Variants in TBC1D2 observed in about 807,000 individuals in gnomAD.
TBC1D2 encodes TBC1 domain family member 2A.
In TBC1D2, 58 loss-of-function variants were observed where a neutral mutation model predicts 91.1. The ratio of observed to expected loss-of-function variants is 0.64; its 90% confidence interval spans 0.52 to 0.79. The LOEUF (loss-of-function observed/expected upper bound fraction) is 0.79, where lower values mean the gene tolerates loss of function less well. TBC1D2 is among the 30% of genes least tolerant of loss of function. The probability of loss-of-function intolerance (pLI) is 0.00; values close to 1 mark genes in which losing one functional copy is unlikely to be tolerated. For synonymous variants in TBC1D2, 482 were observed against 511.5 expected, an observed-to-expected ratio of 0.94 and a Z score of 0.78; for missense variants, 1,080 against 1,208.3, an observed-to-expected ratio of 0.89 and a Z score of 1.57.
intron 2 of TBC1D2, among the ~76,000 whole-genome samples, chr9:98,245,245 A>G (rs1829740703): frequency 6.6e-6 from 1 of 151,776 alleles, no homozygotes; most frequent in Non-Finnish European, 1.5e-5. Flanking sequence ...ATCTCAAAAA[A>G]CAAAACAAAG....
At chr9:98,242,212 T>G (rs973701482) in intron 3 of TBC1D2, among the ~76,000 whole-genome samples, 2 of 151,796 alleles carry the variant, frequency 1.3e-5, no homozygotes, top group African/African-American at 4.8e-5. Flanking sequence ...GAGGCCGAGG[T>G]GGGCAAACCA....
intron 6 of TBC1D2, among the ~76,000 whole-genome samples, chr9:98,217,473 G>A (rs1325842503): frequency 6.6e-6 from 1 of 152,214 alleles, no homozygotes; most frequent in Admixed American, 6.5e-5. Context: ...GCCAGAAAAT[G>A]AGTGGGGCAG....
At chr9:98,245,517 A>G (rs111495952) in intron 2 of TBC1D2, among the ~76,000 whole-genome samples, 10,057 of 152,114 alleles carry the variant, frequency 0.066, 400 homozygotes, top group East Asian at 0.17. Flanking sequence ...CAGTGAGCGG[A>G]GATGGTGCCA....
chr9:98,245,582 T>A (rs573903157), intron 2 of TBC1D2, among the ~76,000 whole-genome samples: 6 of 151,696 alleles, frequency 4.0e-5, no homozygotes, highest in Non-Finnish European at 8.8e-5. Flanking sequence ...AAAAAAAAAA[T>A]TGGGGTTATA....
Position 98,199,478 on chromosome 9 carries a change from T to A in TBC1D2, c.2690A>T (p.Glu897Val). The A allele has an allele frequency of 6.2e-7, 1 of 1,613,988 alleles. No homozygotes were observed. Among genetic ancestry groups the A allele is most frequent in the Non-Finnish European group, 8.5e-7 (1 of 1,180,010 alleles). Residue 897 changes from glutamate (E) to valine (V), a missense_variant, in exon 13 of 13, where the codon GAG (glutamate) becomes GTG (valine). By Grantham distance (121) the Glu-to-Val change is moderately radical. Transcript: ENST00000465784. ...ERLEAELREL[E>V]QLKAEYLERR... Reference sequence around the variant, plus strand: ...CTCCAGGTACTCTGCCTTAAGCTGCTCCAGCTCCCGCAGCTCAGCCTCCAG... The same window carrying A: ...CTCCAGGTACTCTGCCTTAAGCTGCACCAGCTCCCGCAGCTCAGCCTCCAG...
intron 3 of TBC1D2, among the ~76,000 whole-genome samples, chr9:98,240,718 G>C (rs965000037): frequency 1.2e-4 from 18 of 152,144 alleles, no homozygotes; most frequent in Non-Finnish European, 1.8e-4. Context: ...GGAAAGCACA[G>C]AAACCACAAC....
intron 8 of TBC1D2, among the ~76,000 whole-genome samples, chr9:98,210,022 C>T (rs570357029): frequency 4.6e-5 from 7 of 150,660 alleles, no homozygotes; most frequent in African/African-American, 1.7e-4. Flanking sequence ...GACAGGATTC[C>T]AATATATTGC....
At chr9:98,222,219 C>T (rs979916452) in intron 5 of TBC1D2, among the ~76,000 whole-genome samples, 2 of 152,210 alleles carry the variant, frequency 1.3e-5, no homozygotes, top group African/African-American at 4.8e-5. Flanking sequence ...CCTCTCATCC[C>T]TGTGGCAGAC....
At chr9:98,202,329 CT>C (rs776158795) in intron 10 of TBC1D2, among the ~76,000 whole-genome samples, 3 of 152,214 alleles carry the variant, frequency 2.0e-5, no homozygotes, top group African/African-American at 7.2e-5. Flanking sequence ...AGACATGGTT[CT>C]TTCGTGGTTC....
intron 3 of TBC1D2, among the ~76,000 whole-genome samples, chr9:98,241,442 A>G (rs1251306149): frequency 6.6e-6 from 1 of 152,160 alleles, no homozygotes; most frequent in Non-Finnish European, 1.5e-5. Flanking sequence ...AGGGTGTAGG[A>G]CACAAAGGCA....
chr9:98,210,191 G>C (rs1402875021), intron 8 of TBC1D2, among the ~76,000 whole-genome samples: 1 of 152,190 alleles, frequency 6.6e-6, no homozygotes, highest in Non-Finnish European at 1.5e-5. Flanking sequence ...GTCACACGGT[G>C]AGAGGGCCAG....
intron 6 of TBC1D2, among the ~76,000 whole-genome samples, chr9:98,218,579 TAAAA>T (rs897420526): frequency 1.3e-5 from 2 of 151,034 alleles, no homozygotes; most frequent in Non-Finnish European, 3.0e-5. Context: ...AAAATAAAAA[TAAAA>T]AAAAATAAAA....
intron 4 of TBC1D2, among the ~76,000 whole-genome samples, chr9:98,231,279 CTTTTTTTTT>C (rs35195996): frequency 0.068 from 5,243 of 76,920 alleles, 253 homozygotes; most frequent in African/African-American, 0.18. Flanking sequence ...CTCAACTCTG[CTTTTTTTTT>C]TTTTTTTTTT....
chr9:98,205,607 C>T (rs1400744573), intron 9 of TBC1D2, among the ~76,000 whole-genome samples: 1 of 151,646 alleles, frequency 6.6e-6, no homozygotes, highest in Non-Finnish European at 1.5e-5. Flanking sequence ...AGTGCAGTGG[C>T]ATGATCATGG....
chr9:98,223,995 C>G (rs771913551), intron 5 of TBC1D2, among the ~76,000 whole-genome samples: 26 of 152,026 alleles, frequency 1.7e-4, no homozygotes, highest in African/African-American at 3.6e-4. Flanking sequence ...GTCAGGAGAT[C>G]GAGACCATCC....
At chr9:98,250,039 G>A (rs1829839580) in intron 2 of TBC1D2, among the ~76,000 whole-genome samples, 1 of 152,142 alleles carries the variant, frequency 6.6e-6, no homozygotes, top group Non-Finnish European at 1.5e-5. Flanking sequence ...AGAACACAAT[G>A]GAACAGGTCT....
At chr9:98,203,889 G>C (rs1348141557) in intron 9 of TBC1D2, among the ~76,000 whole-genome samples, 1 of 152,160 alleles carries the variant, frequency 6.6e-6, no homozygotes, top group East Asian at 1.9e-4. Context: ...CTGGGCCTTG[G>C]TTTCATGATC....
At chr9:98,233,678 C>A in intron 3 of TBC1D2, 129 bp from the exon 4 acceptor site, 1 of 1,400,880 alleles carries the variant, frequency 7.1e-7, no homozygotes, top group African/African-American at 1.4e-5. Flanking sequence ...GTCTCCCAGA[C>A]TCCAGGCACC....
At chr9:98,236,293 G>A (rs1389628694) in intron 3 of TBC1D2, among the ~76,000 whole-genome samples, 3 of 151,656 alleles carry the variant, frequency 2.0e-5, no homozygotes, top group Non-Finnish European at 4.4e-5. Flanking sequence ...GCACGATCTC[G>A]GCTCACTGCA....
Sources: allele counts gnomAD v4.1 joint callset (sites outside exome capture counted in the v4.1 genomes callset), GRCh38; gene constraint gnomAD v4.1.1; transcripts MANE v1.5; gene names NCBI Gene and HGNC (gene_info 2026-07-23, HGNC 2026-07-21).